Variants in NSD1 observed in about 807,000 individuals in gnomAD.
The protein encoded by NSD1 is nuclear receptor binding SET domain protein 1, also known as histone-lysine N-methyltransferase, H3 lysine-36 specific.
NSD1 carries 26 observed loss-of-function variants against 242.7 expected under a neutral mutation model. That is an observed-to-expected ratio of 0.11 (90% CI 0.08 to 0.15). The LOEUF is 0.15. Among genes scored for constraint, NSD1 ranks in the 10% least tolerant of loss-of-function variants. NSD1 has a pLI of 1.00. For missense variants in NSD1, 2,495 were observed against 3,272.8 expected (o/e 0.76, Z 5.80); for synonymous variants, 1,106 against 1,178.1 (o/e 0.94, Z 1.25).
intron 2 of NSD1, among the ~76,000 whole-genome samples, chr5:177,160,132 G>A (rs558624640): frequency 6.6e-6 from 1 of 150,866 alleles, no homozygotes; most frequent in African/African-American, 2.4e-5. Context: ...CTCAGGTGAT[G>A]TGCCTGCCTC....
At chr5:177,283,598 C>G (rs1315676165) in intron 19 of NSD1, among the ~76,000 whole-genome samples, 189 bp from the exon 20 acceptor site, 1 of 152,222 alleles carries the variant, frequency 6.6e-6, no homozygotes, top group Non-Finnish European at 1.5e-5. Flanking sequence ...GCATGTCTAA[C>G]AAATTGCCAA....
intron 11 of NSD1, 38 bp from the exon 12 acceptor site, chr5:177,251,692 C>T: frequency 6.2e-7 from 1 of 1,611,336 alleles, no homozygotes; most frequent in Non-Finnish European, 8.5e-7. Context: ...GATTCTCAAA[C>T]ATGGAAAAAC....
intron 13 of NSD1, among the ~76,000 whole-genome samples, chr5:177,259,176 A>G (rs1203491636): frequency 1.3e-5 from 2 of 152,238 alleles, no homozygotes; most frequent in Admixed American, 1.3e-4. Context: ...CATGTGTGCC[A>G]AAAGAACCTT....
chr5:177,251,867 C>T lies in NSD1; in HGVS notation c.4765+14C>T, dbSNP rs1444339397. The T allele has an allele frequency of 2.5e-6, 4 of 1,614,030 alleles. No homozygotes were observed. Among genetic ancestry groups the T allele is most frequent in the Admixed American group, 1.7e-5 (1 of 60,016 alleles). Reference sequence around the variant, plus strand: ...AATGTCGCACAGGTAAAGTAGATATCGAACGGTCTTCCTCCAAAGAAAGTT... The same window carrying T: ...AATGTCGCACAGGTAAAGTAGATATTGAACGGTCTTCCTCCAAAGAAAGTT... On this transcript the variant is annotated intron_variant, in intron 12 of 22. Transcript: ENST00000439151.
At chr5:177,174,979 C>T (rs1760067246) in intron 2 of NSD1, among the ~76,000 whole-genome samples, 1 of 147,644 alleles carries the variant, frequency 6.8e-6, no homozygotes, top group South Asian at 2.1e-4. Context: ...TCACGCCATT[C>T]TCCTGCCTCA....
intron 2 of NSD1, among the ~76,000 whole-genome samples, chr5:177,167,789 G>T (rs1221753103): frequency 2.4e-4 from 37 of 152,186 alleles, no homozygotes; most frequent in Non-Finnish European, 1.5e-5. Flanking sequence ...TCGAGCATCT[G>T]CAGTTAACAA....
rs558859931 is a variant in NSD1, at chr5:177,148,573, C to T, written c.927+12543C>T. Among the ~76,000 whole-genome samples, 26 of 151,964 alleles carry T rather than the reference C, an allele frequency of 1.7e-4. 1 individual carries two copies. In the South Asian group the frequency reaches 5.4e-3, roughly 32 times the overall value. ...CTGAGTAGCTGGGACCACAGGTGCA[C>T]ACCACCACACCAGGCTAATTTTTTT... On this transcript the variant is annotated intron_variant, in intron 2 of 22. Coordinates refer to ENST00000439151, the MANE Select transcript of NSD1 (RefSeq NM_022455.5).
chr5:177,163,032 C>T (rs1173236618), intron 2 of NSD1, among the ~76,000 whole-genome samples: 2 of 151,924 alleles, frequency 1.3e-5, no homozygotes, highest in African/African-American at 4.8e-5. Context: ...AGGTTGGTCT[C>T]AAGTTCCTGG....
chr5:177,250,175 C>A (rs1160236732), intron 11 of NSD1, among the ~76,000 whole-genome samples: 1 of 152,198 alleles, frequency 6.6e-6, no homozygotes, highest in Non-Finnish European at 1.5e-5. Context: ...TAATTTCAAT[C>A]CAGTTTCTTT....
intron 5 of NSD1, chr5:177,221,010 C>A (rs1231721377): frequency 4.4e-6 from 2 of 454,816 alleles, no homozygotes; most frequent in African/African-American, 4.0e-5. Context: ...GCTACAGGTG[C>A]CTTCCACCAC....
At chr5:177,141,319 CTTTT>C (rs567992731) in intron 2 of NSD1, among the ~76,000 whole-genome samples, 6 of 97,034 alleles carry the variant, frequency 6.2e-5, no homozygotes, top group African/African-American at 1.8e-4. Flanking sequence ...CGCGCGCAGC[CTTTT>C]TTTTTTTTTT....
intron 2 of NSD1, among the ~76,000 whole-genome samples, chr5:177,183,871 T>A (rs1562168263): frequency 1.3e-5 from 2 of 152,238 alleles, no homozygotes; most frequent in Admixed American, 6.5e-5. Flanking sequence ...TTCCCACTAA[T>A]AAGTGAGAAC....
At position 177,298,737 on chromosome 5, in the gene NSD1, A is replaced by G. The variant is rs564137291; in HGVS notation, c.*3278A>G. On this transcript the variant is annotated 3_prime_UTR_variant, in exon 23 of 23. Coordinates refer to ENST00000439151, the MANE Select transcript of NSD1 (RefSeq NM_022455.5). The stretch of plus-strand genomic sequence containing the variant: ...GTCTGCTCACTGGAGCCGGACTCCC[A>G]GGTTGTAATTCTAATGTTGCCTCAT... 6 of 233,162 alleles carry G rather than the reference A, an allele frequency of 2.6e-5. No individual in the cohort carries two copies. The highest frequency in any genetic ancestry group is 5.1e-5 in the Non-Finnish European group (6 of 118,052). 14.4% of individuals were successfully genotyped at this position (233,162 alleles called of 1,614,324 possible).
At chr5:177,268,797 T>A (rs1195971982) in intron 15 of NSD1, among the ~76,000 whole-genome samples, 1 of 152,236 alleles carries the variant, frequency 6.6e-6, no homozygotes, top group Non-Finnish European at 1.5e-5. Context: ...TTCACTTTTA[T>A]GCCCCTGAGA....
chr5:177,268,136 G>T (rs953936330), intron 15 of NSD1, among the ~76,000 whole-genome samples: 2 of 151,384 alleles, frequency 1.3e-5, no homozygotes. Context: ...TTGAGACAGG[G>T]TATCCTCTGT....
intron 2 of NSD1, among the ~76,000 whole-genome samples, chr5:177,183,427 TG>T (rs914094750): frequency 1.3e-5 from 2 of 152,180 alleles, no homozygotes; most frequent in Non-Finnish European, 2.9e-5. Context: ...TCATTATTCT[TG>T]GGTATTGTAT....
At chr5:177,258,185 G>A (rs1221320119) in intron 13 of NSD1, among the ~76,000 whole-genome samples, 1 of 150,238 alleles carries the variant, frequency 6.7e-6, no homozygotes, top group Non-Finnish European at 1.5e-5. Context: ...TCTCCATGTT[G>A]GTCAGGCTGG....
intron 5 of NSD1, among the ~76,000 whole-genome samples, chr5:177,218,017 A>G (rs749979001): frequency 2.6e-5 from 4 of 151,994 alleles, no homozygotes; most frequent in African/African-American, 9.7e-5. Context: ...GGCTCAAGCA[A>G]TACTCCCACC....
In NSD1 at chr5:177,300,089, C is replaced by T. The variant is rs1477400171; in HGVS notation, c.*4630C>T. The T allele has an allele frequency of 5.3e-6, 1 of 187,150 alleles. No homozygotes were observed. The highest frequency in any genetic ancestry group is 1.0e-5 in the Non-Finnish European group (1 of 96,258). 11.6% of individuals were successfully genotyped at this position (187,150 alleles called of 1,614,324 possible). ...CCCCCCCGCCCCCATAGATTGTCAGCTGTAAGTGAAACTCCTAGTGAAAAA... is the reference window on the plus strand; with the variant it reads ...CCCCCCCGCCCCCATAGATTGTCAGTTGTAAGTGAAACTCCTAGTGAAAAA... On this transcript the variant is annotated 3_prime_UTR_variant, in exon 23 of 23. Transcript: ENST00000439151.
Sources: gnomAD v4.1 joint callset for allele counts (sites outside exome capture counted in the v4.1 genomes callset) on GRCh38, gnomAD v4.1.1 for gene constraint, MANE v1.5 for transcripts, NCBI Gene and HGNC (gene_info 2026-07-23, HGNC 2026-07-21) for gene names.